The following CCDC112 variants were observed in gnomAD, a reference collection of about 807,000 sequenced individuals.
CCDC112 encodes the protein coiled-coil domain-containing protein 112.
A neutral mutation model predicts 66.3 loss-of-function variants in CCDC112; 40 were observed. The observed-to-expected ratio is 0.60, with a 90% CI of 0.47 to 0.79. The LOEUF (loss-of-function observed/expected upper bound fraction) is 0.79, where lower values mean the gene tolerates loss of function less well. Among genes scored for constraint, CCDC112 ranks in the 30% least tolerant of loss-of-function variants. The pLI, the probability that CCDC112 is intolerant of heterozygous loss-of-function variation, is 0.00. For synonymous variants in CCDC112, 214 were observed against 197.2 expected, an observed-to-expected ratio of 1.09 and a Z score of -0.71; for missense variants, 659 against 603.8, an observed-to-expected ratio of 1.09 and a Z score of -0.96.
chr5:115,268,955 T>C lies in CCDC112; in HGVS notation c.1474A>G (p.Thr492Ala). ...TTGGTTCGTTCTTCCCAACCTTTGG[T>C]GGGTTTGTAAAGCCTAGAGGGATCT... is the stretch of plus-strand genomic sequence containing the variant. ...SRDPSRLYKP[T>A]KGWEERTKKI... The change falls in exon 9 of 10, where the codon ACC becomes GCC. Residue 492 changes from threonine to alanine, a missense_variant. Physicochemically the swap from Thr to Ala is moderately conservative, Grantham distance 58. Transcript: ENST00000379611. The C allele has an allele frequency of 2.5e-6, 4 of 1,606,604 alleles. No homozygotes were observed. Among genetic ancestry groups the C allele is most frequent in the Non-Finnish European group, 3.4e-6 (4 of 1,176,634 alleles).
rs1202127580 is a variant in CCDC112, at chr5:115,275,357, T to C, written c.777A>G (p.Val259=). The C allele has an allele frequency of 4.3e-6, 7 of 1,614,142 alleles. No homozygotes were observed. The highest frequency in any genetic ancestry group is 5.9e-6 in the Non-Finnish European group (7 of 1,180,004). Residue 259 remains valine (V), a synonymous_variant, in exon 6 of 10, where the codon GTA becomes GTG. Coordinates refer to ENST00000379611, the MANE Select transcript of CCDC112 (RefSeq NM_001040440.3). The part of the protein sequence containing the change: ...AWDDYDHQNF[V]KVRNKHKGKP... ...TCCCTTTATGTTTGTTTCTCACCTTTACAAAGTTCTGGTGATCATAATCAT... is the reference window on the plus strand; with the variant it reads ...TCCCTTTATGTTTGTTTCTCACCTTCACAAAGTTCTGGTGATCATAATCAT...
chr5:115,269,817 T>A lies in CCDC112; in HGVS notation c.1333-19A>T. 7.1e-7 allele frequency: 1 copy of A among 1,410,114 alleles called. No individual in the cohort carries two copies. Among genetic ancestry groups the A allele is most frequent in the Non-Finnish European group, 9.6e-7 (1 of 1,040,398 alleles). The allele number at this position is 1,410,114 out of a possible 1,614,324, so 87.4% of individuals were successfully genotyped here. On this transcript the variant is annotated intron_variant, in intron 7 of 9. Transcript: ENST00000379611. ...GTAAATCCTTAAAAAAAAAAACCCATAGCATTAAGAAAGCATGTGAACTAG... is the reference window on the plus strand; with the variant it reads ...GTAAATCCTTAAAAAAAAAAACCCAAAGCATTAAGAAAGCATGTGAACTAG...
At chr5:115,268,851 T>C (rs1748880389) in intron 9 of CCDC112, 31 bp downstream of exon 9, 1 of 1,279,202 alleles carries the variant, frequency 7.8e-7, no homozygotes, top group South Asian at 1.4e-5. Flanking sequence ...ATTAAATTAC[T>C]AAATGAACAC....
intron 7 of CCDC112, among the ~76,000 whole-genome samples, chr5:115,270,861 C>G (rs1266495632): frequency 6.6e-6 from 1 of 152,186 alleles, no homozygotes; most frequent in African/African-American, 2.4e-5. Context: ...GTTGTCTCTG[C>G]TAGGAAGGAC....
intron 1 of CCDC112, 64 bp downstream of exon 1, chr5:115,296,363 G>C: frequency 6.6e-7 from 1 of 1,507,158 alleles, no homozygotes; most frequent in Non-Finnish European, 8.8e-7. Context: ...GAGGGCACCT[G>C]TTCAGCCAGG....
At chr5:115,269,626 A>T (rs76812913) in intron 8 of CCDC112, 77 bp downstream of exon 8, 43,017 of 980,222 alleles carry the variant, frequency 0.044, 1,141 homozygotes, top group Non-Finnish European at 0.052. Flanking sequence ...ATATAAAGGA[A>T]ATAGATTTGA....
intron 6 of CCDC112, among the ~76,000 whole-genome samples, chr5:115,274,706 A>G (rs997149570): frequency 2.6e-5 from 4 of 152,142 alleles, no homozygotes; most frequent in Non-Finnish European, 5.9e-5. Flanking sequence ...GGAAGTCCAA[A>G]TGTTGTTCTA....
rs145253358 is a variant in CCDC112, at chr5:115,285,038, C to T, written c.118-130G>A. 259 of 708,108 alleles carry T rather than the reference C, an allele frequency of 3.7e-4. No homozygotes were observed. In the African/African-American group the frequency reaches 4.3e-3, roughly 12 times the overall value. The allele number at this position is 708,108 out of a possible 1,614,324, so 43.9% of individuals were successfully genotyped here. A position where few individuals can be genotyped will look rare whatever the true frequency, so the allele number is the denominator to read the frequency against. On this transcript the variant is annotated intron_variant, in intron 1 of 9. Coordinates refer to ENST00000379611, the MANE Select transcript of CCDC112 (RefSeq NM_001040440.3). ...TAATTTTGGGGCCAATCTCACTTAA[C>T]TCTTAAAAGTACATTTGTGGAAGAA...
chr5:115,283,714 C>T (rs1313448775), intron 2 of CCDC112, among the ~76,000 whole-genome samples: 1 of 152,074 alleles, frequency 6.6e-6, no homozygotes, highest in Non-Finnish European at 1.5e-5. Flanking sequence ...AAAATTCTAA[C>T]AGTACACTTT....
Position 115,269,690 on chromosome 5 carries a change from C to A in CCDC112, c.1428+13G>T. On this transcript the variant is annotated intron_variant, in intron 8 of 9. Transcript: ENST00000379611. Reference sequence around the variant, plus strand: ...AGGATAATAACAATGAAAATAATCTCGGTGCAGAGTACCTTTTCTTTTAAT... The same window carrying A: ...AGGATAATAACAATGAAAATAATCTAGGTGCAGAGTACCTTTTCTTTTAAT... The A allele has an allele frequency of 6.5e-7, 1 of 1,540,114 alleles. No homozygotes were observed. The highest frequency in any genetic ancestry group is 1.2e-5 in the South Asian group (1 of 84,324).
At chr5:115,279,264 G>A (rs958379851) in intron 3 of CCDC112, among the ~76,000 whole-genome samples, 7 of 152,060 alleles carry the variant, frequency 4.6e-5, no homozygotes, top group Admixed American at 4.6e-4. Context: ...TGCTTACTGA[G>A]TCCAGGGCTC....
chr5:115,294,261 T>A (rs116596499), intron 1 of CCDC112, among the ~76,000 whole-genome samples: 1 of 152,332 alleles, frequency 6.6e-6, no homozygotes, highest in Non-Finnish European at 1.5e-5. Flanking sequence ...AATTCCTATG[T>A]AGAAGGCCTG....
chr5:115,275,678 G>C, intron 5 of CCDC112, 72 bp from the exon 6 acceptor site: 1 of 1,079,232 alleles, frequency 9.3e-7, no homozygotes, highest in Non-Finnish European at 1.3e-6. Context: ...TCAAATTTAA[G>C]ATACCTGACT....
intron 2 of CCDC112, among the ~76,000 whole-genome samples, chr5:115,282,213 T>C (rs1749486612): frequency 6.6e-6 from 1 of 152,216 alleles, no homozygotes. Flanking sequence ...CAAGATAACC[T>C]CTTTTTTAAA....
intron 8 of CCDC112, 28 bp downstream of exon 8, chr5:115,269,675 C>G: frequency 6.9e-7 from 1 of 1,453,524 alleles, no homozygotes; most frequent in Non-Finnish European, 9.5e-7. Context: ...AGGATAATAA[C>G]AATGAAAATA....
At chr5:115,275,031 C>T (rs1399511766) in intron 6 of CCDC112, among the ~76,000 whole-genome samples, 185 bp downstream of exon 6, 6 of 152,220 alleles carry the variant, frequency 3.9e-5, no homozygotes, top group Non-Finnish European at 7.3e-5. Flanking sequence ...GTGTAAGCCA[C>T]TGTGCCTGGC....
At chr5:115,286,103 T>C (rs961381875) in intron 1 of CCDC112, among the ~76,000 whole-genome samples, 2 of 152,266 alleles carry the variant, frequency 1.3e-5, no homozygotes, top group Non-Finnish European at 2.9e-5. Context: ...CAGTGGTTTT[T>C]AGTGTATTCA....
chr5:115,275,867 A>G, intron 5 of CCDC112, 127 bp downstream of exon 5: 1 of 745,224 alleles, frequency 1.3e-6, no homozygotes, highest in Non-Finnish European at 2.2e-6. Context: ...CAAAAAAGAT[A>G]TTATATTGCT....
Position 115,279,718 on chromosome 5 carries a change from C to T in CCDC112, c.290G>A (p.Ser97Asn). Residue 97 changes from serine (S) to asparagine (N), a missense_variant, in exon 3 of 10, where the codon AGT (serine) becomes AAT (asparagine). By Grantham distance (46) the Ser-to-Asn change is conservative. Transcript: ENST00000379611. Reference protein sequence around the residue: ...DKHSHFYNQKSDFRIEHSMLE... With the variant: ...DKHSHFYNQKNDFRIEHSMLE... ...CATACTATGCTCAATTCTGAAGTCA[C>T]TTTTTTGGTTGTAGAAATGACTGTG... is the stretch of plus-strand genomic sequence containing the variant. The T allele has an allele frequency of 1.9e-6, 3 of 1,593,946 alleles. No homozygotes were observed. Among genetic ancestry groups the T allele is most frequent in the Non-Finnish European group, 2.6e-6 (3 of 1,162,684 alleles).
Sources: allele counts gnomAD v4.1 joint callset (sites outside exome capture counted in the v4.1 genomes callset), GRCh38; gene constraint gnomAD v4.1.1; transcripts MANE v1.5; gene names NCBI Gene and HGNC (gene_info 2026-07-23, HGNC 2026-07-21).